The following CFAP92 variants were observed in gnomAD, a reference collection of about 807,000 sequenced individuals.
CFAP92 encodes the protein cilia and flagella associated protein 92 (putative), also known as uncharacterized protein CFAP92.
A neutral mutation model predicts 106.3 loss-of-function variants in CFAP92; 86 were observed. The observed-to-expected ratio is 0.81, with a 90% CI of 0.68 to 0.97. The LOEUF is 0.97. Among genes scored for constraint, CFAP92 ranks in the 50% least tolerant of loss-of-function variants. The pLI is 0.00. For missense variants in CFAP92, 1,204 were observed against 1,283.8 expected, an observed-to-expected ratio of 0.94 and a Z score of 0.95; for synonymous variants, 477 against 506.4, an observed-to-expected ratio of 0.94 and a Z score of 0.78.
chr3:128,949,639 CAG>C (rs1281426014), intron 9 of CFAP92, among the ~76,000 whole-genome samples: 1 of 152,224 alleles, frequency 6.6e-6, no homozygotes, highest in Non-Finnish European at 1.5e-5. Flanking sequence ...TTTGGGGTAA[CAG>C]AACTGTATCC....
chr3:128,916,253 A>G lies in CFAP92; in HGVS notation c.2770T>C (p.Tyr924His). ...TTCGGAGGCTTCTTGCTGACCTGGT[A>G]GGCTTCTGTGATATTTTTCTGAAGA... ...SFIQKNITEAYQVSKKPPKSV... is the reference protein window; with the variant it reads ...SFIQKNITEAHQVSKKPPKSV... The change falls in exon 13 of 16, where the codon TAC (tyrosine) becomes CAC (histidine). Residue 924 changes from tyrosine (Y) to histidine (H), a missense_variant. Coordinates refer to ENST00000645291, the MANE Select transcript of CFAP92 (RefSeq NM_001394090.1). 1 of 1,232,082 alleles carries G rather than the reference A, an allele frequency of 8.1e-7. No individual in the cohort carries two copies. Among genetic ancestry groups the G allele is most frequent in the Admixed American group, 4.2e-5 (1 of 23,706 alleles). The allele number at this position is 1,232,082 out of a possible 1,614,324, so 76.3% of individuals were successfully genotyped here.
the CFAP92 span, among the ~76,000 whole-genome samples, chr3:129,014,069 C>T: frequency 1.3e-5 from 2 of 152,246 alleles, no homozygotes; most frequent in Admixed American, 6.5e-5. This position sits in a 1 kb window ranked among gnomAD's most constrained non-coding sequence, Gnocchi z 4.3. Flanking sequence ...TCAGGCTCTT[C>T]ATTTTGCCTC....
At chr3:128,952,753 C>G (rs1346479534) in intron 9 of CFAP92, among the ~76,000 whole-genome samples, 1 of 152,026 alleles carries the variant, frequency 6.6e-6, no homozygotes, top group Non-Finnish European at 1.5e-5. Flanking sequence ...TGTACTCCAG[C>G]CTGGGTGACA....
At chr3:129,022,441 G>A in the CFAP92 span, among the ~76,000 whole-genome samples, 8 of 152,318 alleles carry the variant, frequency 5.3e-5, no homozygotes, top group East Asian at 1.9e-4. Flanking sequence ...CTGGAGCCAG[G>A]AGCCAGGAGT....
At chr3:128,997,175 C>T (rs111907222), upstream of CFAP92, among the ~76,000 whole-genome samples, 92 of 152,260 alleles carry the variant, frequency 6.0e-4, no homozygotes, top group African/African-American at 2.0e-3. Context: ...CTTACTCTGC[C>T]GGGTGGAGGG....
intron 12 of CFAP92, among the ~76,000 whole-genome samples, chr3:128,919,965 A>G (rs542714931): frequency 3.9e-5 from 6 of 152,364 alleles, no homozygotes; most frequent in African/African-American, 1.4e-4. Context: ...AGACATCAAG[A>G]GTCTCTATAG....
At chr3:128,925,316 T>C (rs1229559462) in intron 12 of CFAP92, among the ~76,000 whole-genome samples, 1 of 152,152 alleles carries the variant, frequency 6.6e-6, no homozygotes. Context: ...CATGCTCTTA[T>C]GAGAATCTAA....
chr3:128,943,756 C>T (rs548937031), intron 10 of CFAP92, among the ~76,000 whole-genome samples: 201 of 151,602 alleles, frequency 1.3e-3, no homozygotes, highest in African/African-American at 2.5e-3. Flanking sequence ...AGACTGGTCC[C>T]GAACTCCTGA....
At chr3:128,977,958 C>CAGAT in intron 5 of CFAP92, 87 bp downstream of exon 5, 1 of 1,547,868 alleles carries the variant, frequency 6.5e-7, no homozygotes, top group South Asian at 1.2e-5. Flanking sequence ...GACGCCCATG[C>CAGAT]AGATGCATTG....
upstream of CFAP92, among the ~76,000 whole-genome samples, chr3:129,006,535 C>CA (rs1945083445): frequency 1.3e-5 from 2 of 152,182 alleles, no homozygotes; most frequent in Non-Finnish European, 2.9e-5. Context: ...AGTCTGGTCT[C>CA]AAACACCTGA....
intron 4 of CFAP92, among the ~76,000 whole-genome samples, chr3:128,983,034 T>C (rs1314704572): frequency 6.6e-6 from 1 of 152,094 alleles, no homozygotes; most frequent in Non-Finnish European, 1.5e-5. Context: ...AAAAACGGCG[T>C]CAATAGACTT....
chr3:129,013,419 G>A, the CFAP92 span, among the ~76,000 whole-genome samples: 12 of 152,220 alleles, frequency 7.9e-5, no homozygotes, highest in South Asian at 2.5e-3. Context: ...ATAGCTTCAG[G>A]CATGGCTAGA....
At chr3:128,992,487 G>A (rs112557959) in intron 2 of CFAP92, among the ~76,000 whole-genome samples, 5,038 of 152,074 alleles carry the variant, frequency 0.033, 254 homozygotes, top group African/African-American at 0.11. Context: ...GCTTGAACCC[G>A]GAAGGCTGAG....
chr3:129,012,889 T>A, the CFAP92 span, among the ~76,000 whole-genome samples: 4 of 152,096 alleles, frequency 2.6e-5, no homozygotes, highest in Non-Finnish European at 5.9e-5. Context: ...GGCATTTTTT[T>A]ATGTAGTGTA....
intron 12 of CFAP92, among the ~76,000 whole-genome samples, chr3:128,924,430 A>ATTT (rs1937525980): frequency 1.1e-5 from 1 of 91,660 alleles, no homozygotes; most frequent in African/African-American, 4.2e-5. Flanking sequence ...GAACGATTGT[A>ATTT]TCTTTTTTTT....
the CFAP92 span, among the ~76,000 whole-genome samples, chr3:129,018,994 C>G: frequency 2.0e-5 from 3 of 152,234 alleles, no homozygotes; most frequent in African/African-American, 7.2e-5. Context: ...GCCTGCCACT[C>G]CAGATGACAC....
intron 2 of CFAP92, among the ~76,000 whole-genome samples, chr3:128,991,210 C>G (rs78872367): frequency 6.9e-4 from 105 of 152,238 alleles, no homozygotes; most frequent in African/African-American, 2.4e-3. Flanking sequence ...TTGGTATTTG[C>G]CAGATGTCTT....
intron 4 of CFAP92, among the ~76,000 whole-genome samples, chr3:128,985,312 A>G (rs1943783629): frequency 6.6e-6 from 1 of 152,142 alleles, no homozygotes; most frequent in Non-Finnish European, 1.5e-5. Flanking sequence ...TAAAATTTAA[A>G]AAGTAGCCAT....
chr3:128,995,079 G>A (rs943113050), upstream of CFAP92, among the ~76,000 whole-genome samples: 3 of 152,166 alleles, frequency 2.0e-5, no homozygotes, highest in Admixed American at 6.5e-5. Context: ...ACCCTGCTCC[G>A]GCAGTCAGTT....
Sources: gnomAD v4.1 joint callset for allele counts (sites outside exome capture counted in the v4.1 genomes callset) on GRCh38, gnomAD v4.1.1 for gene constraint, Gnocchi (gnomAD v3.1) non-coding constraint, MANE v1.5 for transcripts, NCBI Gene and HGNC (gene_info 2026-07-23, HGNC 2026-07-21) for gene names.